The following PRAMEF20 variants were observed in gnomAD, a reference collection of about 807,000 sequenced individuals.
PRAMEF20 encodes PRAME family member 20.
PRAMEF20 carries 27 observed loss-of-function variants against 32.4 expected under a neutral mutation model. The observed-to-expected ratio is 0.83, with a 90% CI of 0.61 to 1.15. The LOEUF (loss-of-function observed/expected upper bound fraction) is 1.15. Among genes scored for constraint, PRAMEF20 ranks in the 50% most tolerant of loss-of-function variants. The probability of loss-of-function intolerance (pLI) is 0.00; values close to 1 mark genes in which losing one functional copy is unlikely to be tolerated. For synonymous variants in PRAMEF20, 256 were observed against 235.4 expected, an observed-to-expected ratio of 1.09 and a Z score of -0.80; for missense variants, 604 against 584.5, an observed-to-expected ratio of 1.03 and a Z score of -0.34.
intron 1 of PRAMEF20, among the ~76,000 whole-genome samples, chr1:13,417,886 C>T (rs1345290821): frequency 1.4e-5 from 2 of 142,230 alleles, no homozygotes; most frequent in East Asian, 2.3e-4. Flanking sequence ...GGACTACAGG[C>T]GCCCGCCACC....
upstream of PRAMEF20, among the ~76,000 whole-genome samples, chr1:13,414,838 C>T (rs1196576488): frequency 2.0e-5 from 3 of 152,004 alleles, no homozygotes; most frequent in African/African-American, 7.3e-5. Context: ...CTCACTCTGT[C>T]GCCCAGGCTG....
chr1:13,417,318 A>G (rs963518924), intron 1 of PRAMEF20, among the ~76,000 whole-genome samples: 16 of 152,054 alleles, frequency 1.1e-4, no homozygotes, highest in African/African-American at 3.4e-4. Context: ...GGTGCATTTT[A>G]TAGAGCGTTG....
At chr1:13,421,318 A>T (rs1641242795) in exon 3 of PRAMEF20, 12 of 1,610,926 alleles carry the variant, frequency 7.4e-6, no homozygotes, top group Non-Finnish European at 1.0e-5. Flanking sequence ...GAAAACTAAA[A>T]CCTAGGTCTT....
chr1:13,419,197 A>T (rs1222950068), intron 2 of PRAMEF20, among the ~76,000 whole-genome samples: 1 of 152,198 alleles, frequency 6.6e-6, no homozygotes, highest in Non-Finnish European at 1.5e-5. Flanking sequence ...TTTATCACCC[A>T]GGCTGGAGTG....
chr1:13,410,870 T>C, the PRAMEF20 span, among the ~76,000 whole-genome samples: 1 of 151,968 alleles, frequency 6.6e-6, no homozygotes, highest in Non-Finnish European at 1.5e-5. Flanking sequence ...TATTTTTTTT[T>C]GGTGGGGGAT....
chr1:13,414,552 G>A (rs928337922), upstream of PRAMEF20, among the ~76,000 whole-genome samples: 2,721 of 152,096 alleles, frequency 0.018, 80 homozygotes, highest in African/African-American at 0.061. Context: ...TCTGCTTCCC[G>A]GGTTCAAGTG....
At chr1:13,418,350 G>A (rs1641205574) in exon 2 of PRAMEF20, 1 of 1,613,936 alleles carries the variant, frequency 6.2e-7, no homozygotes. Flanking sequence ...TATGGGTCAA[G>A]CAGAGGGAAG....
At chr1:13,412,063 T>A, upstream of PRAMEF20, among the ~76,000 whole-genome samples, 1 of 150,844 alleles carries the variant, frequency 6.6e-6, no homozygotes, top group Non-Finnish European at 1.5e-5. Flanking sequence ...ATTTAATTAA[T>A]TTATTTATTT....
intron 2 of PRAMEF20, among the ~76,000 whole-genome samples, chr1:13,419,857 C>T (rs1641223029): frequency 6.6e-6 from 1 of 152,114 alleles, no homozygotes; most frequent in African/African-American, 2.4e-5. Context: ...CATGAATGAT[C>T]CCATGTCTAA....
intron 1 of PRAMEF20, 91 bp downstream of exon 2, chr1:13,416,732 G>T (rs979439374): frequency 7.5e-6 from 12 of 1,604,040 alleles, no homozygotes; most frequent in Non-Finnish European, 8.5e-6. Context: ...TCCAAGGAGG[G>T]CCCACAGGCT....
chr1:13,415,115 T>C (rs1284143163), upstream of PRAMEF20, among the ~76,000 whole-genome samples: 3 of 152,046 alleles, frequency 2.0e-5, no homozygotes, highest in Admixed American at 6.6e-5. Flanking sequence ...GTTTCATTCA[T>C]GTCGCCCAGG....
chr1:13,416,743 T>A, intron 1 of PRAMEF20, 102 bp downstream of exon 2: 2 of 1,593,548 alleles, frequency 1.3e-6, no homozygotes, highest in South Asian at 2.2e-5. Context: ...CCCACAGGCT[T>A]CTAATGGTTT....
Position 13,417,910 on chromosome 1 carries a change from T to TGTGTGTGTGTGTGTGTGTGTGTGTGTGTG in PRAMEF20, c.288-212_288-211insGTGTGTGTGTGTGTGTGTGTGTGTGTGTG, listed in dbSNP as rs1369049111. 2.7e-4 allele frequency among the ~76,000 whole-genome samples: 34 copies of TGTGTGTGTGTGTGTGTGTGTGTGTGTGTG among 124,292 alleles called. 4 individuals are homozygous for TGTGTGTGTGTGTGTGTGTGTGTGTGTGTG. The East Asian group carries it at 2.9e-3, about 11-fold the overall frequency. 81.5% of individuals were successfully genotyped at this position (124,292 alleles called of 152,430 possible). ...GCGCCCGCCACCACGCCCGGCTAATTTGTGTGTGTGTGTGTGTGTGTGTGT... is the reference window on the plus strand; with the variant it reads ...GCGCCCGCCACCACGCCCGGCTAATTGTGTGTGTGTGTGTGTGTGTGTGTGTGTGTGTGTGTGTGTGTGTGTGTGTGTGT... On this transcript the variant is annotated intron_variant, in intron 1 of 2. Coordinates refer to ENST00000602960, the Ensembl canonical transcript of PRAMEF20.
chr1:13,421,068 C>G, exon 3 of PRAMEF20: 5 of 1,613,932 alleles, frequency 3.1e-6, no homozygotes, highest in Non-Finnish European at 4.2e-6. Flanking sequence ...GAGCTGTATC[C>G]TGCCCCGCGG....
chr1:13,412,383 C>T (rs1641122777), upstream of PRAMEF20, among the ~76,000 whole-genome samples: 1 of 152,120 alleles, frequency 6.6e-6, no homozygotes, highest in Admixed American at 6.6e-5. Context: ...AGGAAACACC[C>T]TTTAACTTCT....
At chr1:13,421,025 T>A (rs1414809712) in exon 3 of PRAMEF20, 3 of 1,613,802 alleles carry the variant, frequency 1.9e-6, no homozygotes, top group Non-Finnish European at 2.5e-6. Context: ...GAACCTGCTG[T>A]GCCACACAAT....
chr1:13,418,229 G>C, exon 2 of PRAMEF20: 1 of 1,613,812 alleles, frequency 6.2e-7, no homozygotes, highest in Non-Finnish European at 8.5e-7. Context: ...ATGATGAACA[G>C]AAAACCACTG....
At chr1:13,411,231 A>G in the PRAMEF20 span, among the ~76,000 whole-genome samples, 2 of 152,108 alleles carry the variant, frequency 1.3e-5, no homozygotes, top group African/African-American at 4.8e-5. Context: ...TGGGTGGCTG[A>G]GGTGGGAGAA....
At chr1:13,416,452 C>A (rs745649027) in exon 1 of PRAMEF20, 1 of 1,613,928 alleles carries the variant, frequency 6.2e-7, no homozygotes, top group Admixed American at 1.7e-5. Context: ...GAGCTGCCCA[C>A]GGAACTTTTT....
Sources: allele counts gnomAD v4.1 joint callset (sites outside exome capture counted in the v4.1 genomes callset), GRCh38; gene constraint gnomAD v4.1.1; transcripts MANE v1.5; gene names NCBI Gene and HGNC (gene_info 2026-07-23, HGNC 2026-07-21).